Variants in PROS1 observed in about 807,000 individuals in gnomAD.
PROS1 encodes the protein protein S.
PROS1 carries 29 observed loss-of-function variants against 75.9 expected under a neutral mutation model. The observed-to-expected ratio is 0.38, with a 90% CI of 0.28 to 0.52. PROS1 has a LOEUF of 0.52. Among genes scored for constraint, PROS1 ranks in the 20% least tolerant of loss-of-function variants. PROS1 has a pLI of 0.83. For synonymous variants in PROS1, 245 were observed against 280.6 expected, an observed-to-expected ratio of 0.87 and a Z score of 1.27; for missense variants, 680 against 810.3, an observed-to-expected ratio of 0.84 and a Z score of 1.95.
chr3:93,911,676 C>A (rs146621636), intron 3 of PROS1, among the ~76,000 whole-genome samples: 4 of 152,282 alleles, frequency 2.6e-5, no homozygotes, highest in Non-Finnish European at 5.9e-5. Flanking sequence ...ATAGATCATG[C>A]TTCAAAGTTC....
intron 2 of PROS1, among the ~76,000 whole-genome samples, chr3:93,925,090 G>T (rs1368440593): frequency 6.6e-6 from 1 of 152,126 alleles, no homozygotes. Flanking sequence ...CAGTCAATTT[G>T]GAGTAAAGAA....
At chr3:93,899,996 TATAC>T (rs941512158) in intron 7 of PROS1, among the ~76,000 whole-genome samples, 3 of 152,188 alleles carry the variant, frequency 2.0e-5, no homozygotes, top group African/African-American at 7.2e-5. Flanking sequence ...TGTGTGTGAA[TATAC>T]ATACATACAT....
intron 14 of PROS1, 109 bp downstream of exon 14, chr3:93,876,857 T>C (rs1272128653): frequency 4.0e-6 from 3 of 741,742 alleles, no homozygotes; most frequent in Non-Finnish European, 6.4e-6. Context: ...TAATGAATAC[T>C]GGATTTTATG....
intron 1 of PROS1, among the ~76,000 whole-genome samples, chr3:93,933,296 T>C (rs1293473177): frequency 6.6e-6 from 1 of 152,174 alleles, no homozygotes; most frequent in Non-Finnish European, 1.5e-5. Flanking sequence ...AGACTGAGGC[T>C]GGGTACTGTG....
At chr3:93,933,649 C>T (rs534292030) in intron 1 of PROS1, among the ~76,000 whole-genome samples, 33 of 151,996 alleles carry the variant, frequency 2.2e-4, no homozygotes, top group African/African-American at 7.2e-4. Flanking sequence ...AATGGGCTGG[C>T]GTGGTGGCCC....
At position 93,922,751 on chromosome 3, in the gene PROS1, A is replaced by G. The variant is rs540776277; in HGVS notation, c.259+1489T>C. ...AGAATATACACATCAAATAACAAAA[A>G]AAGTGTAACTTAGGCAGGACATTTT... On this transcript the variant is annotated intron_variant, in intron 3 of 14. Transcript: ENST00000394236. Among the ~76,000 whole-genome samples, 3 of 152,354 alleles carry G rather than the reference A, an allele frequency of 2.0e-5. No individual in the cohort carries two copies. In the East Asian group the frequency reaches 5.8e-4, roughly 29 times the overall value.
At chr3:93,927,883 G>A (rs1359656224) in intron 1 of PROS1, among the ~76,000 whole-genome samples, 2 of 129,814 alleles carry the variant, frequency 1.5e-5, no homozygotes, top group Non-Finnish European at 3.3e-5. Context: ...ATGTGTGTAT[G>A]TGTATATATA....
chr3:93,955,622 T>G (rs955759726), intron 1 of PROS1, among the ~76,000 whole-genome samples: 1 of 151,758 alleles, frequency 6.6e-6, no homozygotes, highest in African/African-American at 2.4e-5. Context: ...ATATGCCTGA[T>G]GTAAATGATG....
chr3:93,932,858 CA>C (rs1359592157), intron 1 of PROS1, among the ~76,000 whole-genome samples: 3 of 152,160 alleles, frequency 2.0e-5, no homozygotes, highest in African/African-American at 7.2e-5. Flanking sequence ...GCAGGTTGTC[CA>C]AAACTGATCA....
chr3:93,907,575 C>G (rs1443607432), intron 4 of PROS1, among the ~76,000 whole-genome samples: 1 of 152,170 alleles, frequency 6.6e-6, no homozygotes, highest in Non-Finnish European at 1.5e-5. Flanking sequence ...TGAGGGTCTC[C>G]TCTGAGCTGT....
chr3:93,887,852 T>G (rs1419388711), intron 10 of PROS1, among the ~76,000 whole-genome samples: 3 of 152,150 alleles, frequency 2.0e-5, no homozygotes, highest in Non-Finnish European at 2.9e-5. Flanking sequence ...TCCAGGGCAT[T>G]TGGAAAATTT....
At chr3:93,903,856 G>A (rs1708633470) in intron 6 of PROS1, among the ~76,000 whole-genome samples, 1 of 151,026 alleles carries the variant, frequency 6.6e-6, no homozygotes, top group Non-Finnish European at 1.5e-5. Context: ...GGGTACATGT[G>A]CACATTGTGC....
At chr3:93,908,549 T>G (rs1708710320) in intron 4 of PROS1, among the ~76,000 whole-genome samples, 1 of 152,116 alleles carries the variant, frequency 6.6e-6, no homozygotes, top group South Asian at 2.1e-4. Flanking sequence ...AGAAAGAGTC[T>G]CCAGAGATCT....
intron 1 of PROS1, among the ~76,000 whole-genome samples, chr3:93,945,290 T>G (rs1161376274): frequency 3.3e-5 from 5 of 152,154 alleles, no homozygotes; most frequent in African/African-American, 1.2e-4. Flanking sequence ...GAGGGAATCC[T>G]CCCTAACTCA....
At chr3:93,907,587 C>G (rs1248128978) in intron 4 of PROS1, among the ~76,000 whole-genome samples, 1 of 152,176 alleles carries the variant, frequency 6.6e-6, no homozygotes, top group Non-Finnish European at 1.5e-5. Flanking sequence ...CTGAGCTGTT[C>G]TAATGCTCAG....
intron 3 of PROS1, among the ~76,000 whole-genome samples, chr3:93,917,097 G>A (rs1559938278): frequency 6.6e-6 from 1 of 152,146 alleles, no homozygotes; most frequent in Non-Finnish European, 1.5e-5. Flanking sequence ...AGGAGCACAA[G>A]GCTGAGTTAT....
intron 1 of PROS1, among the ~76,000 whole-genome samples, chr3:93,954,300 G>T (rs1476462677): frequency 6.6e-6 from 1 of 152,152 alleles, no homozygotes; most frequent in Non-Finnish European, 1.5e-5. Flanking sequence ...AAAGCTGGAG[G>T]CATCTTGCTA....
rs548604139 is a variant in PROS1 at position 93,910,918 on chromosome 3, T to A, written c.260-213A>T. ...GCAACAGATACAGAAACATAAAAAA[T>A]AAGTCTGTGACAGCTTCTTCTCTCT... On this transcript the variant is annotated intron_variant, in intron 3 of 14. Transcript: ENST00000394236. 5 of 545,278 alleles carry A rather than the reference T, an allele frequency of 9.2e-6. No homozygotes were observed. In the Admixed American group the frequency reaches 1.6e-4, roughly 18 times the overall value. 33.8% of individuals were successfully genotyped at this position (545,278 alleles called of 1,614,324 possible).
chr3:93,887,207 C>G (rs1030019788), intron 10 of PROS1, among the ~76,000 whole-genome samples: 47 of 151,938 alleles, frequency 3.1e-4, no homozygotes, highest in African/African-American at 9.2e-4. Flanking sequence ...CGTGAGCCAC[C>G]GCGCCCGGCC....
Sources: gnomAD v4.1 joint callset for allele counts (sites outside exome capture counted in the v4.1 genomes callset) on GRCh38, gnomAD v4.1.1 for gene constraint, MANE v1.5 for transcripts, NCBI Gene and HGNC (gene_info 2026-07-23, HGNC 2026-07-21) for gene names.